BPTF: variants seen among roughly 807,000 people sequenced by gnomAD.
BPTF encodes nucleosome-remodeling factor subunit BPTF.
In BPTF, 18 loss-of-function variants were observed where a neutral mutation model predicts 292.5. That is an observed-to-expected ratio of 0.06 (90% CI 0.04 to 0.09). The LOEUF (loss-of-function observed/expected upper bound fraction) is 0.09, where lower values mean the gene tolerates loss of function less well. Among genes scored for constraint, BPTF ranks in the 10% least tolerant of loss-of-function variants. The probability of loss-of-function intolerance (pLI) is 1.00; values close to 1 mark genes in which losing one functional copy is unlikely to be tolerated. For synonymous variants in BPTF, 1,225 were observed against 1,251.9 expected, an observed-to-expected ratio of 0.98 and a Z score of 0.45; for missense variants, 2,726 against 3,498.7, an observed-to-expected ratio of 0.78 and a Z score of 5.57.
chr17:67,917,736 G>T (rs1015885980), intron 11 of BPTF, among the ~76,000 whole-genome samples: 10 of 151,936 alleles, frequency 6.6e-5, no homozygotes, highest in Non-Finnish European at 1.3e-4. Flanking sequence ...GGGTTCAATT[G>T]ATTCTCCTGC....
intron 1 of BPTF, among the ~76,000 whole-genome samples, chr17:67,848,399 A>G (rs1431785757): frequency 6.6e-6 from 1 of 152,200 alleles, no homozygotes; most frequent in Non-Finnish European, 1.5e-5. Flanking sequence ...GGGCATGAGT[A>G]ATTGCCTGTA....
At chr17:67,919,714 T>A (rs1208177423) in intron 12 of BPTF, among the ~76,000 whole-genome samples, 1 of 152,230 alleles carries the variant, frequency 6.6e-6, no homozygotes, top group African/African-American at 2.4e-5. Context: ...CTAAGACTTC[T>A]GGAGGCCTGT....
chr17:67,971,446 A>G (rs12942774), intron 26 of BPTF, among the ~76,000 whole-genome samples: 76,024 of 151,236 alleles, frequency 0.5, 23,785 homozygotes, highest in Non-Finnish European at 0.69. Flanking sequence ...TGACACCTCC[A>G]CACTTCAGCA....
intron 23 of BPTF, among the ~76,000 whole-genome samples, chr17:67,957,548 T>A (rs1377285750): frequency 1.3e-5 from 2 of 152,112 alleles, no homozygotes; most frequent in African/African-American, 4.8e-5. Flanking sequence ...AAAGAATTTT[T>A]AAAAAAATTT....
chr17:67,826,230 A>C lies in BPTF; in HGVS notation c.506A>C (p.Asp169Ala). 6.2e-7 allele frequency: 1 copy of C among 1,613,868 alleles called. No individual in the cohort carries two copies. Among genetic ancestry groups the C allele is most frequent in the Non-Finnish European group, 8.5e-7 (1 of 1,179,890 alleles). The part of the protein sequence containing the change: ...EDDEEDEMEE[D>A]DDDSDYPEEM... ...GACGAGGAGGATGAGATGGAAGAGG[A>C]CGACGATGACTCCGATTATCCGGAG... is the stretch of plus-strand genomic sequence containing the variant. The change falls in exon 1 of 28, where the codon GAC (aspartate) becomes GCC (alanine). Residue 169 changes from aspartate to alanine, a missense_variant. Coordinates refer to ENST00000306378, the MANE Select transcript of BPTF (RefSeq NM_182641.4).
In BPTF at chr17:67,912,253, G is replaced by A; in HGVS notation, c.4369G>A (p.Val1457Ile). 3 of 1,612,506 alleles carry A rather than the reference G, an allele frequency of 1.9e-6. No individual in the cohort carries two copies. Among genetic ancestry groups the A allele is most frequent in the South Asian group, 2.2e-5 (2 of 90,712 alleles). Residue 1457 changes from valine to isoleucine, a missense_variant, in exon 11 of 28, where the codon GTT (valine) becomes ATT (isoleucine). By Grantham distance (29) the Val-to-Ile change is conservative (BLOSUM62 3). Coordinates refer to ENST00000306378, the MANE Select transcript of BPTF (RefSeq NM_182641.4). ...TGAGAATGATATTAAATCATTGACT[G>A]TTAAAGAATCTGCTATAAGGCCATT... is the stretch of plus-strand genomic sequence containing the variant. ...IPENDIKSLTVKESAIRPFIN... is the reference protein window; with the variant it reads ...IPENDIKSLTIKESAIRPFIN...
rs778665693 is a variant in BPTF, at chr17:67,910,831, C to T, written c.2993-46C>T. On this transcript the variant is annotated intron_variant, in intron 10 of 27. Transcript: ENST00000306378. ...AAAAATATATATATATAAATTCCTCCTTTCAGAGTAAAAATTACATTTATA... is the reference window on the plus strand; with the variant it reads ...AAAAATATATATATATAAATTCCTCTTTTCAGAGTAAAAATTACATTTATA... 65 of 1,354,426 alleles carry T rather than the reference C, an allele frequency of 4.8e-5. 1 individual carries two copies. In the South Asian group the frequency reaches 1.2e-3, roughly 25 times the overall value. 83.9% of individuals were successfully genotyped at this position (1,354,426 alleles called of 1,614,324 possible).
chr17:67,886,022 TAA>T, intron 4 of BPTF: 1 of 896,054 alleles, frequency 1.1e-6, no homozygotes, highest in Non-Finnish European at 1.7e-6. Flanking sequence ...GATTTTCTTT[TAA>T]AAATACAGCT....
chr17:67,881,450 C>G (rs1262352869), intron 4 of BPTF, among the ~76,000 whole-genome samples: 1 of 146,664 alleles, frequency 6.8e-6, no homozygotes, highest in Non-Finnish European at 1.5e-5. Context: ...GCAAGATTCT[C>G]TGTTAACCTC....
chr17:67,934,948 A>C (rs951411306), intron 18 of BPTF, among the ~76,000 whole-genome samples: 1 of 151,960 alleles, frequency 6.6e-6, no homozygotes, highest in Non-Finnish European at 1.5e-5. Context: ...ATGTAATTAC[A>C]AAACAATTCT....
intron 16 of BPTF, 74 bp downstream of exon 16, chr17:67,928,675 T>C (rs1164147153): frequency 1.4e-6 from 2 of 1,468,306 alleles, no homozygotes; most frequent in Non-Finnish European, 1.8e-6. Context: ...GCTACTGAAA[T>C]GAAACATTTT....
chr17:67,918,823 G>A lies in BPTF; in HGVS notation c.5413G>A (p.Gly1805Arg). The A allele has an allele frequency of 6.2e-7, 1 of 1,613,380 alleles. No homozygotes were observed. Among genetic ancestry groups the A allele is most frequent in the Non-Finnish European group, 8.5e-7 (1 of 1,179,510 alleles). The change falls in exon 12 of 28, where the codon GGG becomes AGG. Residue 1805 changes from glycine to arginine, a missense_variant. Physicochemically the swap from Gly to Arg is moderately radical, Grantham distance 125. This residue lies in a region of BPTF where 198 missense variants were observed against 277.1 expected (regional missense o/e 0.71). Transcript: ENST00000306378. ...GGCGGCCAAGGCTCCTCCAGGAGGA[G>A]GGACTACACGGACAGGTAAGGGGGA... ...DMAAKAPPGG[G>R]TTRTETSETE...
intron 16 of BPTF, 91 bp downstream of exon 16, chr17:67,928,692 A>T: frequency 1.4e-6 from 2 of 1,435,710 alleles, no homozygotes; most frequent in Non-Finnish European, 1.9e-6. Context: ...TTTTTTTAGA[A>T]GATTGTTTTT....
intron 19 of BPTF, 109 bp downstream of exon 19, chr17:67,940,765 A>G (rs2065298006): frequency 8.0e-7 from 1 of 1,248,776 alleles, no homozygotes; most frequent in African/African-American, 1.5e-5. Flanking sequence ...GCTGATTTGA[A>G]GAAATGGTTG....
At chr17:67,905,052 AGAATG>A in intron 9 of BPTF, among the ~76,000 whole-genome samples, 1 of 152,230 alleles carries the variant, frequency 6.6e-6, no homozygotes, top group East Asian at 1.9e-4. Context: ...GTAAGATTGT[AGAATG>A]GAACTTGTTT....
In BPTF at chr17:67,964,810, T is replaced by C. The variant is rs182206861; in HGVS notation, c.8454+406T>C. Among the ~76,000 whole-genome samples the C allele has an allele frequency of 1.9e-4, 29 of 149,522 alleles. No individual in the cohort carries two copies. In the East Asian group the frequency reaches 3.2e-3, roughly 17 times the overall value. On this transcript the variant is annotated intron_variant, in intron 25 of 27. Coordinates refer to ENST00000306378, the MANE Select transcript of BPTF (RefSeq NM_182641.4). ...GGTCAGGAGATCAGACCATCCTGGC[T>C]AACACGGTGAAACCCCGTCTCTACT...
chr17:67,906,379 A>G (rs2062196918), intron 9 of BPTF, among the ~76,000 whole-genome samples: 1 of 152,076 alleles, frequency 6.6e-6, no homozygotes, highest in Admixed American at 6.6e-5. Flanking sequence ...CGCCTGGCCT[A>G]TAAATAAGCT....
At chr17:67,918,529 A>G (rs963265538) in intron 11 of BPTF, among the ~76,000 whole-genome samples, 185 bp from the exon 12 acceptor site, 2 of 152,202 alleles carry the variant, frequency 1.3e-5, no homozygotes, top group Admixed American at 1.3e-4. Flanking sequence ...TGTTATGCCT[A>G]TGAATGAAGA....
Position 67,911,130 on chromosome 17 carries a change from C to G in BPTF, c.3246C>G (p.Ile1082Met). 3 of 1,613,942 alleles carry G rather than the reference C, an allele frequency of 1.9e-6. No homozygotes were observed. The highest frequency in any genetic ancestry group is 2.5e-6 in the Non-Finnish European group (3 of 1,179,990). Residue 1082 changes from isoleucine to methionine, a missense_variant, in exon 11 of 28, where the codon ATC (isoleucine) becomes ATG (methionine). This residue lies in a region of BPTF where 713 missense variants were observed against 714.9 expected (regional missense o/e 1.00). Coordinates refer to ENST00000306378, the MANE Select transcript of BPTF (RefSeq NM_182641.4). ...TLEEKQRLEKIKLEGGIKGIG... is the reference protein window; with the variant it reads ...TLEEKQRLEKMKLEGGIKGIG... ...AAGAAAAACAGCGACTCGAAAAAAT[C>G]AAGTTGGAGGGTGGAATTAAGGGTA...
Sources: gnomAD v4.1 joint callset for allele counts (sites outside exome capture counted in the v4.1 genomes callset) on GRCh38, gnomAD v4.1.1 for gene constraint, gnomAD v4.1.1 regional missense constraint, MANE v1.5 for transcripts, NCBI Gene and HGNC (gene_info 2026-07-23, HGNC 2026-07-21) for gene names.